TMEM266: variants seen among roughly 807,000 people sequenced by gnomAD.
The protein encoded by TMEM266 is transmembrane protein 266.
TMEM266 carries 33 observed loss-of-function variants against 50.5 expected under a neutral mutation model. The observed-to-expected ratio is 0.65, with a 90% confidence interval of 0.50 to 0.87. TMEM266 has a LOEUF of 0.87. Among genes scored for constraint, TMEM266 ranks in the 40% least tolerant of loss-of-function variants. The pLI, the probability that TMEM266 is intolerant of heterozygous loss-of-function variation, is 0.00. For synonymous variants in TMEM266, 310 were observed against 292.3 expected, an observed-to-expected ratio of 1.06 and a Z score of -0.62; for missense variants, 655 against 695.1, an observed-to-expected ratio of 0.94 and a Z score of 0.65.
At chr15:76,107,460 T>C (rs1369329177) in intron 1 of TMEM266, among the ~76,000 whole-genome samples, 2 of 152,304 alleles carry the variant, frequency 1.3e-5, no homozygotes, top group Non-Finnish European at 2.9e-5. Flanking sequence ...CTAATCCTCA[T>C]AGCACCATTA....
intron 1 of TMEM266, among the ~76,000 whole-genome samples, chr15:76,071,334 C>CTA (rs1313230237): frequency 6.6e-6 from 1 of 152,224 alleles, no homozygotes; most frequent in Middle Eastern, 3.2e-3. Context: ...CCCACAAGAT[C>CTA]TATAGACAGA....
chr15:76,179,815 G>C lies in TMEM266; in HGVS notation c.768+4141G>C, dbSNP rs541487061. 4.6e-5 allele frequency among the ~76,000 whole-genome samples: 7 copies of C among 152,236 alleles called. No individual in the cohort carries two copies. The East Asian group carries it at 1.2e-3, about 25-fold the overall frequency. ...GTTTAAATACAACACCTGGCCTGGC[G>C]CGATGGCTCACACCTGTAATCCCAG... On this transcript the variant is annotated intron_variant, in intron 8 of 10. Coordinates refer to ENST00000388942, the MANE Select transcript of TMEM266 (RefSeq NM_152335.3).
At chr15:76,132,221 G>A (rs1256626712) in intron 1 of TMEM266, among the ~76,000 whole-genome samples, 1 of 151,376 alleles carries the variant, frequency 6.6e-6, no homozygotes. Context: ...CAATTCTCCT[G>A]CCTCAGCCTC....
In TMEM266 at chr15:76,083,287, A is replaced by G. The variant is rs2036723845; in HGVS notation, c.-97+23271A>G. Reference sequence around the variant, plus strand: ...TGCTCTGTCGCCCAGGCTGGAGTGCAGTGGTGCGATCTCAGCTCACTGCAA... The same window carrying G: ...TGCTCTGTCGCCCAGGCTGGAGTGCGGTGGTGCGATCTCAGCTCACTGCAA... On this transcript the variant is annotated intron_variant, in intron 1 of 10. Coordinates refer to ENST00000388942, the MANE Select transcript of TMEM266 (RefSeq NM_152335.3). Among the ~76,000 whole-genome samples the G allele has an allele frequency of 2.8e-5, 4 of 144,812 alleles. No individual in the cohort carries two copies. In the South Asian group the frequency reaches 8.9e-4, roughly 32 times the overall value.
intron 8 of TMEM266, among the ~76,000 whole-genome samples, chr15:76,190,207 C>G (rs967490467): frequency 6.6e-6 from 1 of 152,192 alleles, no homozygotes; most frequent in Non-Finnish European, 1.5e-5. Flanking sequence ...GGGGGGCCAC[C>G]GTGTGATCTG....
chr15:76,069,336 G>A (rs545733131), intron 1 of TMEM266, among the ~76,000 whole-genome samples: 1 of 152,274 alleles, frequency 6.6e-6, no homozygotes, highest in South Asian at 2.1e-4. Flanking sequence ...GATAGGGCCT[G>A]GTTTGGTGAT....
intron 1 of TMEM266, among the ~76,000 whole-genome samples, chr15:76,092,845 T>C (rs1403228039): frequency 7.1e-6 from 1 of 139,906 alleles, no homozygotes; most frequent in East Asian, 2.3e-4. Context: ...TCTCGCTCTA[T>C]CACCCAGGCT....
chr15:76,109,123 T>G (rs1201139699), intron 1 of TMEM266: 1 of 151,800 alleles, frequency 6.6e-6, no homozygotes, highest in African/African-American at 2.4e-5. Context: ...AAAGGCACAG[T>G]GGAATGAGCC....
rs191565680 is a variant in TMEM266 at position 76,103,637 on chromosome 15, C to T, written c.-96-30531C>T. ...ATAAAAATGTGTATTTGGGGCTGGG[C>T]GCAGTGGCCCACACCTGTAATCCCA... On this transcript the variant is annotated intron_variant, in intron 1 of 10. Transcript: ENST00000388942. 2.0e-3 allele frequency among the ~76,000 whole-genome samples: 297 copies of T among 152,080 alleles called. 1 individual carries two copies. Among genetic ancestry groups the T allele is most frequent in the Non-Finnish European group, 7.4e-4 (50 of 67,996 alleles).
At position 76,203,967 on chromosome 15, in the gene TMEM266, G is replaced by A. The variant is rs778210554; in HGVS notation, c.1248G>A (p.Glu416=). 1.2e-6 allele frequency: 2 copies of A among 1,611,478 alleles called. No homozygotes were observed. The highest frequency in any genetic ancestry group is 2.2e-5 in the South Asian group (2 of 91,018). Residue 416 remains glutamate (E), a synonymous_variant, in exon 11 of 11, where the codon GAG becomes GAA. Coordinates refer to ENST00000388942, the MANE Select transcript of TMEM266 (RefSeq NM_152335.3). The stretch of plus-strand genomic sequence containing the variant: ...CCATGGACTGCAGCACTGCCCGCGA[G>A]GAGCCGTCCTCTGAGCCCGGCCCTT...
At chr15:76,179,647 C>T (rs962417415) in intron 8 of TMEM266, among the ~76,000 whole-genome samples, 10 of 152,324 alleles carry the variant, frequency 6.6e-5, no homozygotes, top group East Asian at 1.9e-4. Flanking sequence ...AACCCCGTTC[C>T]AGGACAGTCT....
rs1365465747 is a variant in TMEM266 at position 76,203,813 on chromosome 15, C to T, written c.1094C>T (p.Ser365Phe). 1 of 1,614,232 alleles carries T rather than the reference C, an allele frequency of 6.2e-7. No homozygotes were observed. The highest frequency in any genetic ancestry group is 8.5e-7 in the Non-Finnish European group (1 of 1,180,022). The change falls in exon 11 of 11, where the codon TCC (serine) becomes TTC (phenylalanine). Residue 365 changes from serine to phenylalanine, a missense_variant. This residue lies in a region of TMEM266 where 455 missense variants were observed against 401.8 expected (regional missense o/e 1.13). Coordinates refer to ENST00000388942, the MANE Select transcript of TMEM266 (RefSeq NM_152335.3). The stretch of plus-strand genomic sequence containing the variant: ...ATAGACATTCACCAGCCCAACATCT[C>T]CTCGGACCTCTTCTCTCTGGACATG...
rs1387579021 is a variant in TMEM266 at position 76,161,220 on chromosome 15, T to G, written c.456+1052T>G. On this transcript the variant is annotated intron_variant, in intron 5 of 10. Coordinates refer to ENST00000388942, the MANE Select transcript of TMEM266 (RefSeq NM_152335.3). This position sits in a 1 kb window ranked among gnomAD's most constrained non-coding sequence, Gnocchi z 4.1. The stretch of plus-strand genomic sequence containing the variant: ...CCTTTCAGCATGGCTCAGGAAACCC[T>G]CAGGGAAAGGCAGGAACGAGGGAGG... Among the ~76,000 whole-genome samples, 1 of 152,006 alleles carries G rather than the reference T, an allele frequency of 6.6e-6. No homozygotes were observed. Among genetic ancestry groups the G allele is most frequent in the Non-Finnish European group, 1.5e-5 (1 of 67,990 alleles).
chr15:76,132,997 G>A (rs760425304), intron 1 of TMEM266, among the ~76,000 whole-genome samples: 90 of 151,384 alleles, frequency 5.9e-4, no homozygotes, highest in Admixed American at 3.0e-3. Context: ...TTAGCTGAGT[G>A]TGGTAGTACG....
At chr15:76,138,114 C>T (rs1043085294) in intron 3 of TMEM266, among the ~76,000 whole-genome samples, 1 of 149,318 alleles carries the variant, frequency 6.7e-6, no homozygotes, top group African/African-American at 2.5e-5. Flanking sequence ...CTCAGCTATT[C>T]AGGAGGCTGA....
chr15:76,070,773 C>T (rs911017392), intron 1 of TMEM266, among the ~76,000 whole-genome samples: 1 of 152,216 alleles, frequency 6.6e-6, no homozygotes, highest in Admixed American at 6.5e-5. Context: ...AATATGTCCC[C>T]TCCCTCTTGG....
chr15:76,194,742 G>T (rs563195956), intron 9 of TMEM266, among the ~76,000 whole-genome samples: 2 of 152,216 alleles, frequency 1.3e-5, no homozygotes, highest in East Asian at 3.9e-4. Flanking sequence ...TCTGCACATG[G>T]CGTCCTCTCT....
At position 76,156,703 on chromosome 15, in the gene TMEM266, A is replaced by G; in HGVS notation, c.327A>G (p.Ile109Met). Reference sequence around the variant, plus strand: ...ACAGTTTCCTGGTAGCCTGTGTAATATTGGTGGTGATTCTCCTGACTCTGG... The same window carrying G: ...ACAGTTTCCTGGTAGCCTGTGTAATGTTGGTGGTGATTCTCCTGACTCTGG... Residue 109 changes from isoleucine (I) to methionine (M), a missense_variant, in exon 4 of 11, where the codon ATA becomes ATG. This residue lies in a region of TMEM266 where 101 missense variants were observed against 182.6 expected (regional missense o/e 0.55). Coordinates refer to ENST00000388942, the MANE Select transcript of TMEM266 (RefSeq NM_152335.3). 1.2e-6 allele frequency: 2 copies of G among 1,614,160 alleles called. No homozygotes were observed. The highest frequency in any genetic ancestry group is 1.7e-6 in the Non-Finnish European group (2 of 1,179,998).
intron 9 of TMEM266, among the ~76,000 whole-genome samples, chr15:76,199,965 G>A (rs1390212032): frequency 6.6e-6 from 1 of 152,208 alleles, no homozygotes; most frequent in Non-Finnish European, 1.5e-5. Context: ...CTTGGTACCT[G>A]TGTGGAGGGC....
Sources: gnomAD v4.1 joint callset for allele counts (sites outside exome capture counted in the v4.1 genomes callset) on GRCh38, gnomAD v4.1.1 for gene constraint, gnomAD v4.1.1 regional missense constraint, Gnocchi (gnomAD v3.1) non-coding constraint, MANE v1.5 for transcripts, NCBI Gene and HGNC (gene_info 2026-07-23, HGNC 2026-07-21) for gene names.